The following INPP5D variants were observed in gnomAD, a reference collection of about 807,000 sequenced individuals.
INPP5D encodes the protein phosphatidylinositol 3,4,5-trisphosphate 5-phosphatase 1.
A neutral mutation model predicts 122.9 loss-of-function variants in INPP5D; 33 were observed. That is an observed-to-expected ratio of 0.27 (90% CI 0.20 to 0.36). INPP5D has a LOEUF of 0.36. Among genes scored for constraint, INPP5D ranks in the 10% least tolerant of loss-of-function variants. The pLI is 1.00. For missense variants in INPP5D, 1,053 were observed against 1,412.7 expected, an observed-to-expected ratio of 0.75 and a Z score of 4.08; for synonymous variants, 584 against 576.2, an observed-to-expected ratio of 1.01 and a Z score of -0.19.
At chr2:233,198,428 T>C in intron 25 of INPP5D, 52 bp downstream of exon 25, 1 of 1,546,722 alleles carries the variant, frequency 6.5e-7, no homozygotes, top group Non-Finnish European at 8.7e-7. Context: ...GAAAGCGCCC[T>C]GGGCTTTGGG....
chr2:233,116,248 G>GATAGATATAGATATAGAT (rs57412586), intron 2 of INPP5D, among the ~76,000 whole-genome samples: 1,964 of 135,194 alleles, frequency 0.015, 59 homozygotes, highest in African/African-American at 0.051. Flanking sequence ...TAGATAGATA[G>GATAGATATAGATATAGAT]ATAGATATAG....
rs1559352002 is a variant in INPP5D, at chr2:233,204,809, TGTGTGTGCACGC to T, written c.3567+93_3567+104del. Reference sequence around the variant, plus strand: ...GTACCTATGCATATGTGTGTGCATGTGTGTGTGCACGCATGCATATGTGCGTGCATGTGTGAA... The same window carrying T: ...GTACCTATGCATATGTGTGTGCATGTATGCATATGTGCGTGCATGTGTGAA... On this transcript the variant is annotated intron_variant, in intron 26 of 26. Transcript: ENST00000445964. 4 of 1,408,220 alleles carry T rather than the reference TGTGTGTGCACGC, an allele frequency of 2.8e-6. No individual in the cohort carries two copies. The South Asian group carries it at 5.9e-5, about 21-fold the overall frequency. The allele number at this position is 1,408,220 out of a possible 1,614,324, so 87.2% of individuals were successfully genotyped here.
At chr2:233,180,728 G>A (rs537377056) in intron 18 of INPP5D, among the ~76,000 whole-genome samples, 5 of 151,992 alleles carry the variant, frequency 3.3e-5, no homozygotes, top group South Asian at 4.2e-4. Flanking sequence ...TAGTAGAGAC[G>A]GGGTTTTGCC....
intron 4 of INPP5D, among the ~76,000 whole-genome samples, chr2:233,126,137 C>G (rs1574748164): frequency 1.3e-5 from 2 of 152,230 alleles, no homozygotes; most frequent in East Asian, 3.8e-4. Context: ...GAAAAGTGCT[C>G]CACGGGGGTG....
At chr2:233,142,877 C>T (rs1156924928) in intron 6 of INPP5D, among the ~76,000 whole-genome samples, 1 of 152,110 alleles carries the variant, frequency 6.6e-6, no homozygotes, top group Non-Finnish European at 1.5e-5. Flanking sequence ...TGTTCTCTGT[C>T]GTGGAGGACT....
Position 233,133,045 on chromosome 2 carries a change from C to T in INPP5D, c.665+2397C>T, listed in dbSNP as rs577400814. On this transcript the variant is annotated intron_variant, in intron 5 of 26. Transcript: ENST00000445964. The stretch of plus-strand genomic sequence containing the variant: ...TGAGTCCCCCCACTCACTTGCTTCC[C>T]CCGAGTCCAATGGAGAAGCTGGGAC... Among the ~76,000 whole-genome samples the T allele has an allele frequency of 3.1e-3, 478 of 152,054 alleles. 6 individuals carry two copies. The highest frequency in any genetic ancestry group is 2.8e-3 in the Non-Finnish European group (187 of 67,996).
At chr2:233,142,868 G>A (rs1161736397) in intron 6 of INPP5D, among the ~76,000 whole-genome samples, 2 of 152,170 alleles carry the variant, frequency 1.3e-5, no homozygotes, top group Admixed American at 6.5e-5. Flanking sequence ...GGACTGGATT[G>A]TTCTCTGTCG....
chr2:233,084,272 C>T (rs1455627658), intron 2 of INPP5D, among the ~76,000 whole-genome samples: 1 of 152,360 alleles, frequency 6.6e-6, no homozygotes, highest in South Asian at 2.1e-4. Context: ...CCAGGCTGGT[C>T]TCAAACGCCT....
rs547955895 is a variant in INPP5D at position 233,100,580 on chromosome 2, T to C, written c.198+21182T>C. On this transcript the variant is annotated intron_variant, in intron 2 of 26. Coordinates refer to ENST00000445964, the MANE Select transcript of INPP5D (RefSeq NM_001017915.3). This position sits in a 1 kb window ranked among gnomAD's most constrained non-coding sequence, Gnocchi z 5.3. ...CCTCTCAGCATCCCCCATGGACTCA[T>C]GGGCACCCCCGGTTGAGCTCGCTCA... 2.0e-5 allele frequency among the ~76,000 whole-genome samples: 3 copies of C among 152,300 alleles called. No homozygotes were observed. In the East Asian group the frequency reaches 5.8e-4, roughly 29 times the overall value.
intron 9 of INPP5D, among the ~76,000 whole-genome samples, chr2:233,150,678 C>T (rs1158910769): frequency 6.6e-6 from 1 of 152,186 alleles, no homozygotes; most frequent in African/African-American, 2.4e-5. Context: ...TGCGTAGCAT[C>T]TTCTATGGGC....
At chr2:233,139,567 T>G (rs1453211946) in intron 5 of INPP5D, among the ~76,000 whole-genome samples, 1 of 152,078 alleles carries the variant, frequency 6.6e-6, no homozygotes, top group Non-Finnish European at 1.5e-5. Flanking sequence ...GTCACTCAGA[T>G]TTGAATTTTC....
chr2:233,179,384 C>A (rs1694727645), intron 18 of INPP5D, among the ~76,000 whole-genome samples: 1 of 152,266 alleles, frequency 6.6e-6, no homozygotes, highest in Non-Finnish European at 1.5e-5. Flanking sequence ...CATCTGTCTG[C>A]TTCAGCCAGC....
intron 2 of INPP5D, among the ~76,000 whole-genome samples, chr2:233,108,125 C>T (rs551398554): frequency 6.6e-6 from 1 of 152,268 alleles, no homozygotes; most frequent in Non-Finnish European, 1.5e-5. Flanking sequence ...GGTTTCACAC[C>T]ACCCTACCCA....
At chr2:233,141,558 C>G (rs1199318307) in intron 6 of INPP5D, 1 of 146,874 alleles carries the variant, frequency 6.8e-6, no homozygotes, top group Non-Finnish European at 1.5e-5. Context: ...CAGAGTGAGA[C>G]TCCATCTCCA....
chr2:233,165,889 G>C (rs1039196266), intron 13 of INPP5D, among the ~76,000 whole-genome samples: 1 of 152,072 alleles, frequency 6.6e-6, no homozygotes. Context: ...TGCACGTGGG[G>C]TGGTATACAC....
chr2:233,122,335 G>A, intron 3 of INPP5D, 78 bp downstream of exon 3: 4 of 1,451,812 alleles, frequency 2.8e-6, no homozygotes, highest in Non-Finnish European at 3.8e-6. Flanking sequence ...TTGTAGACTA[G>A]GTGAGTCCTA....
intron 20 of INPP5D, 41 bp from the exon 21 acceptor site, chr2:233,185,802 T>C: frequency 1.4e-5 from 22 of 1,562,512 alleles, no homozygotes; most frequent in Non-Finnish European, 1.9e-5. Context: ...GTCTGGTTCT[T>C]GCTCTGTTTT....
intron 2 of INPP5D, among the ~76,000 whole-genome samples, chr2:233,117,052 C>A (rs143690915): frequency 6.6e-6 from 1 of 152,332 alleles, no homozygotes; most frequent in African/African-American, 2.4e-5. Context: ...CAGAAATCCA[C>A]GTGTCCGAGG....
chr2:233,144,531 GGGTGGAGGTGGTGGTGGTGATGGTGA>G, intron 6 of INPP5D, among the ~76,000 whole-genome samples: 2 of 109,320 alleles, frequency 1.8e-5, no homozygotes, highest in African/African-American at 3.5e-5. Flanking sequence ...GTGATGGTGA[GGGTGGAGGTGGTGGTGGTGATGGTGA>G]GGGTGGAGAT....
Sources: gnomAD v4.1 joint callset for allele counts (sites outside exome capture counted in the v4.1 genomes callset) on GRCh38, gnomAD v4.1.1 for gene constraint, Gnocchi (gnomAD v3.1) non-coding constraint, MANE v1.5 for transcripts, NCBI Gene and HGNC (gene_info 2026-07-23, HGNC 2026-07-21) for gene names.